KIFAP3: variants seen among roughly 807,000 people sequenced by gnomAD.
The protein encoded by KIFAP3 is kinesin-associated protein 3.
Under a neutral mutation model 106.5 loss-of-function variants are expected in KIFAP3, and 68 were observed. The observed-to-expected ratio is 0.64, with a 90% CI of 0.53 to 0.78. The LOEUF is 0.78. Ranked by LOEUF, KIFAP3 falls within the 30% of genes least tolerant of loss-of-function variation. KIFAP3 has a pLI of 0.00. For synonymous variants in KIFAP3, 320 were observed against 311.5 expected (o/e 1.03, Z -0.29); for missense variants, 780 against 941.8 (o/e 0.83, Z 2.25).
intron 19 of KIFAP3, among the ~76,000 whole-genome samples, chr1:169,924,815 G>A (rs1189545903): frequency 6.6e-6 from 1 of 152,178 alleles, no homozygotes; most frequent in East Asian, 1.9e-4. Flanking sequence ...GATTCTTCAT[G>A]TAAGTTCTTG....
intron 19 of KIFAP3, among the ~76,000 whole-genome samples, chr1:169,945,428 G>A (rs1042904248): frequency 6.6e-6 from 1 of 152,190 alleles, no homozygotes; most frequent in Admixed American, 6.5e-5. Flanking sequence ...GCAGGGGGCA[G>A]GGCTCATGCC....
chr1:170,045,575 T>C (rs1309197901), intron 3 of KIFAP3, among the ~76,000 whole-genome samples: 1 of 152,204 alleles, frequency 6.6e-6, no homozygotes, highest in East Asian at 1.9e-4. Flanking sequence ...AGAAATGGAA[T>C]ACTAGAGATA....
At chr1:170,012,085 T>A (rs1014702139) in intron 10 of KIFAP3, among the ~76,000 whole-genome samples, 2 of 152,068 alleles carry the variant, frequency 1.3e-5, no homozygotes, top group Non-Finnish European at 2.9e-5. Context: ...ATTCATTTTT[T>A]AAAAAATATA....
chr1:170,024,433 C>A lies in KIFAP3; in HGVS notation c.1005G>T (p.Glu335Asp), dbSNP rs1384094564. 1 of 1,574,274 alleles carries A rather than the reference C, an allele frequency of 6.4e-7. No individual in the cohort carries two copies. The highest frequency in any genetic ancestry group is 8.6e-7 in the Non-Finnish European group (1 of 1,160,980). ...SFLKKLSIFM[E>D]NKNDMVEMDI... ...TGTAAGTTACCATATCATTTTTATT[C>A]TCCATAAAAATGCTGAGTTTCTTCA... is the stretch of plus-strand genomic sequence containing the variant. Residue 335 changes from glutamate (E) to aspartate (D), a missense_variant, in exon 9 of 20, where the codon GAG becomes GAT. Coordinates refer to ENST00000361580, the MANE Select transcript of KIFAP3 (RefSeq NM_014970.4).
At chr1:169,992,048 T>C (rs932433316) in intron 11 of KIFAP3, 107 bp downstream of exon 11, 1 of 459,922 alleles carries the variant, frequency 2.2e-6, no homozygotes. Context: ...TGTAGTATTA[T>C]TAAGAAGAGA....
upstream of KIFAP3, among the ~76,000 whole-genome samples, chr1:170,075,241 TAGC>T (rs201841530): frequency 2.9e-3 from 442 of 152,346 alleles, 15 homozygotes; most frequent in South Asian, 0.053. Flanking sequence ...AGGCAATTGT[TAGC>T]AGTGCAGGGC....
intron 10 of KIFAP3, among the ~76,000 whole-genome samples, chr1:170,011,234 C>T (rs1571659597): frequency 6.6e-6 from 1 of 151,672 alleles, no homozygotes; most frequent in East Asian, 1.9e-4. Context: ...CATTAAAAAT[C>T]AACTAAAAAT....
intron 1 of KIFAP3, among the ~76,000 whole-genome samples, chr1:170,060,296 A>G (rs1161513394): frequency 2.0e-5 from 3 of 152,218 alleles, no homozygotes; most frequent in Non-Finnish European, 4.4e-5. Context: ...TCAAGCTGAT[A>G]AGCAACTTCA....
intron 19 of KIFAP3, among the ~76,000 whole-genome samples, chr1:169,941,006 T>C (rs888841965): frequency 4.6e-5 from 7 of 152,076 alleles, no homozygotes; most frequent in Admixed American, 2.6e-4. Flanking sequence ...GAAGAAACTT[T>C]CTGTGGACTT....
intron 3 of KIFAP3, among the ~76,000 whole-genome samples, chr1:170,043,770 C>T (rs1464220284): frequency 2.0e-5 from 3 of 151,998 alleles, no homozygotes; most frequent in Middle Eastern, 3.2e-3. Context: ...GGTCTCATCC[C>T]AGCAGAGTGA....
At chr1:170,003,041 T>C (rs1272648600) in intron 10 of KIFAP3, among the ~76,000 whole-genome samples, 1 of 152,200 alleles carries the variant, frequency 6.6e-6, no homozygotes, top group Non-Finnish European at 1.5e-5. Context: ...AAACTATCTG[T>C]GGTGGTGAGC....
At chr1:169,945,988 T>C (rs571247775) in intron 19 of KIFAP3, among the ~76,000 whole-genome samples, 19 of 152,322 alleles carry the variant, frequency 1.2e-4, no homozygotes, top group Non-Finnish European at 2.4e-4. Flanking sequence ...TTCCTTGCCT[T>C]TTCTATATTA....
intron 19 of KIFAP3, among the ~76,000 whole-genome samples, chr1:169,945,352 T>G (rs1374028009): frequency 6.6e-6 from 1 of 152,110 alleles, no homozygotes; most frequent in Non-Finnish European, 1.5e-5. Context: ...GATGACCTGG[T>G]CTCAAGCTGT....
At chr1:170,049,774 CAGAG>C (rs1256488161) in intron 2 of KIFAP3, among the ~76,000 whole-genome samples, 1 of 151,752 alleles carries the variant, frequency 6.6e-6, no homozygotes, top group Admixed American at 6.6e-5. Flanking sequence ...AACTAACACA[CAGAG>C]AGCAACAACA....
intron 3 of KIFAP3, among the ~76,000 whole-genome samples, chr1:170,044,998 CA>C (rs1367211114): frequency 6.6e-6 from 1 of 152,208 alleles, no homozygotes; most frequent in Non-Finnish European, 1.5e-5. Flanking sequence ...AAACTTCCTT[CA>C]TAAGTATTCT....
chr1:170,067,105 G>A (rs1384936375), intron 1 of KIFAP3, among the ~76,000 whole-genome samples: 2 of 152,054 alleles, frequency 1.3e-5, no homozygotes, highest in African/African-American at 4.8e-5. Flanking sequence ...CGGGTAAGGA[G>A]ATAATTTATG....
At chr1:170,057,998 T>G (rs1195107793) in intron 1 of KIFAP3, among the ~76,000 whole-genome samples, 2 of 152,152 alleles carry the variant, frequency 1.3e-5, no homozygotes, top group Admixed American at 6.6e-5. Context: ...TGAGAAGTTA[T>G]GCTTCACAGA....
chr1:170,010,677 A>G (rs533357905), intron 10 of KIFAP3, among the ~76,000 whole-genome samples: 1 of 152,196 alleles, frequency 6.6e-6, no homozygotes, highest in African/African-American at 2.4e-5. Context: ...GAAACTGAGA[A>G]GCAGATTAAC....
At chr1:170,005,386 T>C (rs1476482126) in intron 10 of KIFAP3, among the ~76,000 whole-genome samples, 1 of 152,114 alleles carries the variant, frequency 6.6e-6, no homozygotes, top group Non-Finnish European at 1.5e-5. Context: ...TAAATCATGC[T>C]GCTATAAAGA....
Sources: gnomAD v4.1 joint callset for allele counts (sites outside exome capture counted in the v4.1 genomes callset) on GRCh38, gnomAD v4.1.1 for gene constraint, MANE v1.5 for transcripts, NCBI Gene and HGNC (gene_info 2026-07-23, HGNC 2026-07-21) for gene names.